The following RELCH variants were observed in gnomAD, a reference collection of about 807,000 sequenced individuals.
RELCH encodes RAB11-binding protein RELCH.
A neutral mutation model predicts 150.3 loss-of-function variants in RELCH; 41 were observed. The observed-to-expected ratio is 0.27, with a 90% CI of 0.21 to 0.35. The LOEUF (loss-of-function observed/expected upper bound fraction) is 0.35. Ranked by LOEUF, RELCH falls within the 10% of genes least tolerant of loss-of-function variation. RELCH has a pLI of 1.00. For missense variants in RELCH, 1,092 were observed against 1,467.8 expected, an observed-to-expected ratio of 0.74 and a Z score of 4.18; for synonymous variants, 478 against 531.8, an observed-to-expected ratio of 0.90 and a Z score of 1.39.
intron 1 of RELCH, among the ~76,000 whole-genome samples, chr18:62,194,900 G>A (rs1257960280): frequency 3.3e-5 from 5 of 152,028 alleles, no homozygotes; most frequent in Non-Finnish European, 5.9e-5. Context: ...TGATGTTTAA[G>A]AACAATGCAA....
In RELCH at chr18:62,187,762, G is replaced by T; in HGVS notation, c.257G>T (p.Gly86Val). The T allele has an allele frequency of 6.2e-7, 1 of 1,610,594 alleles. No homozygotes were observed. ...SAAAVALGGT[G>V]ETPARLSIDA... ...GCTGCAGTGGCCCTGGGGGGCACCG[G>T]GGAGACCCCGGCCCGATTATCAATT... The change falls in exon 1 of 29, where the codon GGG (glycine) becomes GTG (valine). Residue 86 changes from glycine to valine, a missense_variant. Physicochemically the swap from Gly to Val is moderately radical, Grantham distance 109. Around this residue, in one of 4 missense-constraint regions of RELCH, gnomAD observed 138 missense variants for 124.8 expected, o/e 1.11. Transcript: ENST00000644646.
intron 12 of RELCH, 103 bp from the exon 13 acceptor site, chr18:62,255,304 C>G (rs2042939128): frequency 1.2e-6 from 1 of 825,426 alleles, no homozygotes; most frequent in Non-Finnish European, 2.0e-6. Flanking sequence ...AAGGAAGAAG[C>G]TTTATTGCAT....
At position 62,187,316 on chromosome 18, in the gene RELCH, G is replaced by A. The variant is rs1374706001; in HGVS notation, c.-190G>A. The A allele has an allele frequency of 2.2e-6, 1 of 453,934 alleles. No individual in the cohort carries two copies. The highest frequency in any genetic ancestry group is 3.8e-6 in the Non-Finnish European group (1 of 261,420). 28.1% of individuals were successfully genotyped at this position (453,934 alleles called of 1,614,324 possible). On this transcript the variant is annotated 5_prime_UTR_variant, in exon 1 of 29. Coordinates refer to ENST00000644646, the MANE Select transcript of RELCH (RefSeq NM_001346231.2). ...AGAGCCGGGCTGCTGGTGCAGCAGA[G>A]GCTGAGGCATCAGGTGCAGCTGCAT...
In RELCH at chr18:62,298,440, G is replaced by C. The variant is rs1489448541; in HGVS notation, c.3460-350G>C. ...CGTAGAACAGGACAGCTTTTACTGG[G>C]AAAATATGTGTGTGACCATAGTGTG... On this transcript the variant is annotated intron_variant, in intron 27 of 28. Transcript: ENST00000644646. Among the ~76,000 whole-genome samples, 106 of 152,216 alleles carry C rather than the reference G, an allele frequency of 7.0e-4. 1 individual carries two copies. Among genetic ancestry groups the C allele is most frequent in the Non-Finnish European group, 1.5e-5 (1 of 68,016 alleles).
intron 22 of RELCH, among the ~76,000 whole-genome samples, chr18:62,276,737 T>C (rs1468754651): frequency 1.3e-5 from 2 of 152,092 alleles, no homozygotes; most frequent in Admixed American, 6.6e-5. Context: ...ATTCCATTGT[T>C]ATCAGGAAGT....
chr18:62,187,938 C>CTT lies in RELCH; in HGVS notation c.433_434insTT (p.Pro145LeufsTer44), dbSNP rs2038248512. ...CTTCGAGAGGCAAAGTGGAACCCCG[C>CTT]CGGGGATGGGGGCGCCAGGGGTCCC... On this transcript the variant is annotated frameshift_variant, in exon 1 of 29. Transcript: ENST00000644646. LOFTEE classifies it high-confidence loss of function. The CTT allele has an allele frequency of 6.3e-7, 1 of 1,597,662 alleles. No homozygotes were observed. The highest frequency in any genetic ancestry group is 1.3e-5 in the African/African-American group (1 of 74,864).
chr18:62,202,734 A>C (rs1300810858), intron 1 of RELCH, among the ~76,000 whole-genome samples: 12 of 152,194 alleles, frequency 7.9e-5, no homozygotes, highest in Admixed American at 7.9e-4. Flanking sequence ...AGTAGCTCTA[A>C]TCTAGGCTTG....
Position 62,310,162 on chromosome 18 carries a change from C to G in RELCH, c.*4628C>G, listed in dbSNP as rs1411974534. 1 of 152,110 alleles carries G rather than the reference C, an allele frequency of 6.6e-6. No homozygotes were observed. Among genetic ancestry groups the G allele is most frequent in the Admixed American group, 6.5e-5 (1 of 15,280 alleles). The allele number at this position is 152,110 out of a possible 1,614,324, so 9.4% of individuals were successfully genotyped here. On this transcript the variant is annotated 3_prime_UTR_variant, in exon 29 of 29. Coordinates refer to ENST00000644646, the MANE Select transcript of RELCH (RefSeq NM_001346231.2). ...CATTTCTGATCATTACTTGACAGTT[C>G]TTTAAATTCTTAGCTTTCTCTGTTC...
chr18:62,196,091 A>G (rs1055377156), intron 1 of RELCH, among the ~76,000 whole-genome samples: 4 of 152,196 alleles, frequency 2.6e-5, no homozygotes, highest in Non-Finnish European at 5.9e-5. Context: ...CATCGCCAAC[A>G]CTAAGATGTC....
intron 10 of RELCH, among the ~76,000 whole-genome samples, chr18:62,233,113 G>T (rs965077660): frequency 6.6e-6 from 1 of 151,410 alleles, no homozygotes; most frequent in Non-Finnish European, 1.5e-5. Context: ...CTTTATTGTT[G>T]TTATTTATAA....
At chr18:62,297,460 A>G (rs2045464332) in intron 27 of RELCH, among the ~76,000 whole-genome samples, 1 of 152,076 alleles carries the variant, frequency 6.6e-6, no homozygotes, top group South Asian at 2.1e-4. Flanking sequence ...GGAAACAGAG[A>G]CAATGCAAGG....
At position 62,303,428 on chromosome 18, in the gene RELCH, A is replaced by G. The variant is rs372857888; in HGVS notation, c.3531-1986A>G. On this transcript the variant is annotated intron_variant, in intron 28 of 28. Transcript: ENST00000644646. ...AAGCCAAATATTCTTCATTCCTTTCATTTTTACCTCTTATAGTTTCCAGAC... is the reference window on the plus strand; with the variant it reads ...AAGCCAAATATTCTTCATTCCTTTCGTTTTTACCTCTTATAGTTTCCAGAC... 7.0e-4 allele frequency among the ~76,000 whole-genome samples: 107 copies of G among 152,130 alleles called. No homozygotes were observed. The South Asian group carries it at 8.7e-3, about 12-fold the overall frequency.
In RELCH at chr18:62,209,816, T is replaced by C. The variant is rs920533727; in HGVS notation, c.527-1337T>C. On this transcript the variant is annotated intron_variant, in intron 1 of 28. Coordinates refer to ENST00000644646, the MANE Select transcript of RELCH (RefSeq NM_001346231.2). ...TTGGACAATGTTTTGTAGTTTTTAC[T>C]GTATACATTTTGCATGTTTTTGTTA... Among the ~76,000 whole-genome samples the C allele has an allele frequency of 4.6e-5, 7 of 151,728 alleles. No homozygotes were observed. In the East Asian group the frequency reaches 1.2e-3, roughly 25 times the overall value.
chr18:62,278,576 C>CA (rs2044338744), intron 22 of RELCH, among the ~76,000 whole-genome samples: 1 of 151,952 alleles, frequency 6.6e-6, no homozygotes, highest in Non-Finnish European at 1.5e-5. Flanking sequence ...ATTTTTGTTA[C>CA]AAAAAATTCT....
chr18:62,258,734 A>G (rs1382829810), intron 15 of RELCH, 58 bp downstream of exon 15: 4 of 1,202,744 alleles, frequency 3.3e-6, no homozygotes, highest in Non-Finnish European at 4.6e-6. Flanking sequence ...GTCCTAAGCC[A>G]TCTTGGAACA....
intron 26 of RELCH, among the ~76,000 whole-genome samples, chr18:62,290,406 C>CTG: frequency 6.6e-6 from 1 of 152,172 alleles, no homozygotes; most frequent in Middle Eastern, 3.2e-3. Flanking sequence ...TGCCGTGCAC[C>CTG]TGTAATCCCA....
intron 12 of RELCH, among the ~76,000 whole-genome samples, chr18:62,253,216 C>A (rs1296088610): frequency 6.8e-6 from 1 of 147,350 alleles, no homozygotes; most frequent in Non-Finnish European, 1.5e-5. Context: ...TAAGATGCAA[C>A]AAGAACAAAG....
At chr18:62,196,370 C>T (rs2039047065) in intron 1 of RELCH, among the ~76,000 whole-genome samples, 1 of 152,162 alleles carries the variant, frequency 6.6e-6, no homozygotes, top group Non-Finnish European at 1.5e-5. Context: ...GCTGGGATTA[C>T]AAGCCCGCAC....
intron 18 of RELCH, among the ~76,000 whole-genome samples, 193 bp downstream of exon 18, chr18:62,265,045 G>T: frequency 6.6e-6 from 1 of 152,036 alleles, no homozygotes; most frequent in Non-Finnish European, 1.5e-5. Flanking sequence ...TTCAGAAGAT[G>T]ATTTAGCCTA....
Sources: allele counts gnomAD v4.1 joint callset (sites outside exome capture counted in the v4.1 genomes callset), GRCh38; gene constraint gnomAD v4.1.1; regional missense constraint gnomAD v4.1.1; transcripts MANE v1.5; gene names NCBI Gene and HGNC (gene_info 2026-07-23, HGNC 2026-07-21).